The following BBS9 variants were observed in gnomAD, a reference collection of about 807,000 sequenced individuals.
BBS9 encodes the protein Bardet-Biedl syndrome 9.
In BBS9, 89 loss-of-function variants were observed where a neutral mutation model predicts 117.7. The ratio of observed to expected loss-of-function variants is 0.76; its 90% CI spans 0.64 to 0.90. The LOEUF (loss-of-function observed/expected upper bound fraction) is 0.90. Ranked by LOEUF, BBS9 falls within the 40% of genes least tolerant of loss-of-function variation. The probability of loss-of-function intolerance (pLI) is 0.00; values close to 1 mark genes in which losing one functional copy is unlikely to be tolerated. For synonymous variants in BBS9, 379 were observed against 370.9 expected (o/e 1.02, Z -0.25); for missense variants, 982 against 1,042.2 (o/e 0.94, Z 0.80).
chr7:33,476,357 G>C (rs1841803209), intron 19 of BBS9, among the ~76,000 whole-genome samples: 1 of 152,156 alleles, frequency 6.6e-6, no homozygotes, highest in Non-Finnish European at 1.5e-5. Context: ...CTTTGGCTCT[G>C]CTCTATATCT....
In BBS9 at chr7:33,476,650, C is replaced by T. The variant is rs77250357; in HGVS notation, c.2116-28813C>T. On this transcript the variant is annotated intron_variant, in intron 19 of 22. Coordinates refer to ENST00000242067, the MANE Select transcript of BBS9 (RefSeq NM_198428.3). ...CTCTAAATTAGCCCATCATCCATCCCGTCTTACTTCTCAGCTCCCTCATTA... is the reference window on the plus strand; with the variant it reads ...CTCTAAATTAGCCCATCATCCATCCTGTCTTACTTCTCAGCTCCCTCATTA... Among the ~76,000 whole-genome samples the T allele has an allele frequency of 9.7e-4, 147 of 152,288 alleles. 1 individual carries two copies. In the East Asian group the frequency reaches 0.021, roughly 22 times the overall value.
chr7:33,290,619 C>T (rs773425519), intron 9 of BBS9, among the ~76,000 whole-genome samples: 2 of 152,068 alleles, frequency 1.3e-5, no homozygotes, highest in East Asian at 1.9e-4. Context: ...GTTTGCAGAA[C>T]GATTTGGTCT....
At chr7:33,415,955 T>G (rs1831940575) in intron 19 of BBS9, among the ~76,000 whole-genome samples, 1 of 152,098 alleles carries the variant, frequency 6.6e-6, no homozygotes, top group African/African-American at 2.4e-5. Context: ...CACCTCAGCC[T>G]CCTGAGTTGC....
intron 19 of BBS9, among the ~76,000 whole-genome samples, chr7:33,425,755 G>A (rs1252708853): frequency 6.6e-6 from 1 of 152,164 alleles, no homozygotes; most frequent in East Asian, 1.9e-4. Context: ...AGATGCTATT[G>A]TCTTACTTTT....
chr7:33,404,859 T>G (rs944793524), intron 19 of BBS9, among the ~76,000 whole-genome samples: 4 of 152,158 alleles, frequency 2.6e-5, no homozygotes, highest in African/African-American at 9.7e-5. Flanking sequence ...CTAATTGCCC[T>G]GGCCAGAACT....
intron 7 of BBS9, among the ~76,000 whole-genome samples, chr7:33,267,332 G>A (rs1798997273): frequency 6.6e-6 from 1 of 152,124 alleles, no homozygotes; most frequent in Non-Finnish European, 1.5e-5. Flanking sequence ...TAAGAAGCAT[G>A]TAGTTGGTTG....
chr7:33,265,971 C>T (rs1798749563), intron 7 of BBS9, among the ~76,000 whole-genome samples: 1 of 152,078 alleles, frequency 6.6e-6, no homozygotes, highest in African/African-American at 2.4e-5. Flanking sequence ...ATTAAATTGT[C>T]CTTTGACCTC....
At chr7:33,406,955 G>C (rs1271277826) in intron 19 of BBS9, among the ~76,000 whole-genome samples, 1 of 152,118 alleles carries the variant, frequency 6.6e-6, no homozygotes, top group Non-Finnish European at 1.5e-5. Context: ...GGAATTCTCT[G>C]TATTTCCTGA....
rs754989387 is a variant in BBS9, at chr7:33,534,076, A to G, written c.2421A>G (p.Gln807=). Residue 807 remains glutamine (Q), a synonymous_variant, in exon 21 of 23, where the codon CAA becomes CAG. Transcript: ENST00000242067. ...SQLNIPKDTS[Q]LKKHITLLCD... The stretch of plus-strand genomic sequence containing the variant: ...TGAACATACCCAAAGACACAAGCCA[A>G]CTGAAGAAACATATCACCTTGCTCT... 10 of 1,614,094 alleles carry G rather than the reference A, an allele frequency of 6.2e-6. No individual in the cohort carries two copies. The highest frequency in any genetic ancestry group is 2.7e-5 in the African/African-American group (2 of 74,918).
intron 5 of BBS9, among the ~76,000 whole-genome samples, chr7:33,189,496 G>C (rs1444431727): frequency 1.3e-5 from 2 of 151,840 alleles, no homozygotes; most frequent in Non-Finnish European, 2.9e-5. Flanking sequence ...TTAAAAGTCA[G>C]ACCCTTTGGA....
intron 3 of BBS9, among the ~76,000 whole-genome samples, chr7:33,154,645 T>C (rs1793839737): frequency 6.6e-6 from 1 of 152,096 alleles, no homozygotes; most frequent in Non-Finnish European, 1.5e-5. Flanking sequence ...TTTGTATTTT[T>C]AGTAGAGACA....
chr7:33,570,578 T>A (rs1339829202), intron 21 of BBS9, among the ~76,000 whole-genome samples: 1 of 152,088 alleles, frequency 6.6e-6, no homozygotes, highest in African/African-American at 2.4e-5. Context: ...CTAACATCAG[T>A]GAGAGAAAGT....
At chr7:33,418,342 T>G (rs931168557) in intron 19 of BBS9, among the ~76,000 whole-genome samples, 5 of 152,184 alleles carry the variant, frequency 3.3e-5, no homozygotes, top group Non-Finnish European at 7.3e-5. Flanking sequence ...AGATTGATGA[T>G]GTATTTTAAC....
intron 20 of BBS9, among the ~76,000 whole-genome samples, chr7:33,526,866 C>T (rs1849598700): frequency 1.3e-5 from 2 of 151,242 alleles, no homozygotes; most frequent in South Asian, 4.2e-4. Flanking sequence ...GTTTTTTCCC[C>T]ATCTTTGTGG....
intron 21 of BBS9, among the ~76,000 whole-genome samples, chr7:33,597,062 C>G (rs1357037070): frequency 7.3e-6 from 1 of 136,254 alleles, no homozygotes; most frequent in Non-Finnish European, 1.5e-5. Flanking sequence ...CTCTCTCTCT[C>G]TCTCTGTCAC....
At chr7:33,348,284 T>C (rs1305278839) in intron 12 of BBS9, among the ~76,000 whole-genome samples, 1 of 152,164 alleles carries the variant, frequency 6.6e-6, no homozygotes, top group Non-Finnish European at 1.5e-5. Flanking sequence ...CTTAGCATCA[T>C]GTTTTCAAGG....
At chr7:33,164,778 A>T (rs919607443) in intron 4 of BBS9, among the ~76,000 whole-genome samples, 2 of 152,022 alleles carry the variant, frequency 1.3e-5, no homozygotes, top group Non-Finnish European at 2.9e-5. Context: ...TCTGGACTCT[A>T]TCCAATTTGC....
chr7:33,467,354 A>G (rs531377837), intron 19 of BBS9, among the ~76,000 whole-genome samples: 1 of 152,296 alleles, frequency 6.6e-6, no homozygotes, highest in South Asian at 2.1e-4. Flanking sequence ...ATTTAAAACC[A>G]TTAGAGATCC....
At chr7:33,560,565 G>A (rs780546012) in intron 21 of BBS9, among the ~76,000 whole-genome samples, 14 of 152,144 alleles carry the variant, frequency 9.2e-5, no homozygotes, top group Non-Finnish European at 1.8e-4. Flanking sequence ...ATAAAACAGT[G>A]CTGCTGCTTA....
Sources: gnomAD v4.1 joint callset for allele counts (sites outside exome capture counted in the v4.1 genomes callset) on GRCh38, gnomAD v4.1.1 for gene constraint, MANE v1.5 for transcripts, NCBI Gene and HGNC (gene_info 2026-07-23, HGNC 2026-07-21) for gene names.